The following AGBL4 variants were observed in gnomAD, a reference collection of about 807,000 sequenced individuals.
The protein encoded by AGBL4 is cytosolic carboxypeptidase 6.
A neutral mutation model predicts 66.4 loss-of-function variants in AGBL4; 58 were observed. That is an observed-to-expected ratio of 0.87 (90% confidence interval 0.71 to 1.09). AGBL4 has a LOEUF of 1.09. AGBL4 is among the 50% of genes least tolerant of loss of function. The probability of loss-of-function intolerance (pLI) is 0.00; values close to 1 mark genes in which losing one functional copy is unlikely to be tolerated. For synonymous variants in AGBL4, 234 were observed against 222.9 expected, an observed-to-expected ratio of 1.05 and a Z score of -0.44; for missense variants, 579 against 631.0, an observed-to-expected ratio of 0.92 and a Z score of 0.88.
intron 5 of AGBL4, among the ~76,000 whole-genome samples, chr1:49,002,315 C>A (rs529354999): frequency 6.6e-6 from 1 of 152,256 alleles, no homozygotes; most frequent in Non-Finnish European, 1.5e-5. Flanking sequence ...CCTTTAATGG[C>A]TGGTTTTCTG....
At chr1:49,876,748 C>A (rs1242528096) in intron 1 of AGBL4, among the ~76,000 whole-genome samples, 2 of 108,468 alleles carry the variant, frequency 1.8e-5, no homozygotes, top group African/African-American at 7.5e-5. Context: ...TTACCTTGGG[C>A]AGTATGGCCA....
At chr1:48,976,127 T>C (rs1482215481) in intron 5 of AGBL4, among the ~76,000 whole-genome samples, 1 of 152,170 alleles carries the variant, frequency 6.6e-6, no homozygotes, top group Non-Finnish European at 1.5e-5. Context: ...AATGGAATTA[T>C]TGGGATGGGA....
At chr1:49,351,842 T>A (rs1386253251) in intron 3 of AGBL4, among the ~76,000 whole-genome samples, 1 of 152,180 alleles carries the variant, frequency 6.6e-6, no homozygotes, top group Non-Finnish European at 1.5e-5. Flanking sequence ...TTCTCAACTG[T>A]AAAATGAGAT....
intron 2 of AGBL4, among the ~76,000 whole-genome samples, chr1:49,714,488 C>T (rs1444524569): frequency 6.6e-6 from 1 of 151,398 alleles, no homozygotes; most frequent in Non-Finnish European, 1.5e-5. Flanking sequence ...AGTTATTTCA[C>T]TTAAGATAAT....
intron 5 of AGBL4, among the ~76,000 whole-genome samples, chr1:48,904,348 C>T (rs1389258862): frequency 1.3e-5 from 2 of 152,166 alleles, no homozygotes; most frequent in Non-Finnish European, 2.9e-5. Context: ...ATGAAAGAAA[C>T]AACTATGGTT....
chr1:48,775,319 C>T (rs1245362796), intron 6 of AGBL4, among the ~76,000 whole-genome samples: 1 of 152,112 alleles, frequency 6.6e-6, no homozygotes, highest in Non-Finnish European at 1.5e-5. Context: ...TTTTCAGAGG[C>T]AACATGAGTT....
chr1:49,225,330 A>C (rs1282721433), intron 4 of AGBL4, among the ~76,000 whole-genome samples: 1 of 152,224 alleles, frequency 6.6e-6, no homozygotes, highest in African/African-American at 2.4e-5. Context: ...AATAGAAATG[A>C]TCTTCTCTTG....
chr1:48,540,576 C>T (rs1644050170), intron 11 of AGBL4, among the ~76,000 whole-genome samples: 2 of 152,094 alleles, frequency 1.3e-5, no homozygotes, highest in African/African-American at 4.8e-5. Flanking sequence ...TCCTCTCTTC[C>T]CAGAACTGTG....
intron 2 of AGBL4, among the ~76,000 whole-genome samples, chr1:49,708,934 C>T (rs937089961): frequency 1.3e-5 from 2 of 152,320 alleles, no homozygotes; most frequent in Admixed American, 6.5e-5. Flanking sequence ...GAACCTTCCT[C>T]TCCCAGAGCG....
chr1:49,065,072 A>G (rs1474346009), intron 4 of AGBL4, among the ~76,000 whole-genome samples: 1 of 152,184 alleles, frequency 6.6e-6, no homozygotes, highest in African/African-American at 2.4e-5. Context: ...TTTTACCTCT[A>G]TGTAGGAGTA....
At chr1:49,924,014 CGTGT>C (rs1306628045) in intron 1 of AGBL4, among the ~76,000 whole-genome samples, 1 of 152,074 alleles carries the variant, frequency 6.6e-6, no homozygotes, top group Non-Finnish European at 1.5e-5. Context: ...TAGACACATG[CGTGT>C]GTATGTTAAT....
At chr1:48,805,177 T>C (rs1248755466) in intron 6 of AGBL4, among the ~76,000 whole-genome samples, 1 of 152,194 alleles carries the variant, frequency 6.6e-6, no homozygotes, top group Non-Finnish European at 1.5e-5. Flanking sequence ...ATATCCCCTA[T>C]ACAATGACGA....
intron 2 of AGBL4, among the ~76,000 whole-genome samples, chr1:49,810,102 T>C (rs1364788998): frequency 2.0e-5 from 3 of 152,176 alleles, no homozygotes; most frequent in African/African-American, 7.2e-5. Flanking sequence ...TCTTTACCAC[T>C]TTCCTCCCTA....
chr1:49,658,240 A>C (rs1370704093), intron 3 of AGBL4, among the ~76,000 whole-genome samples: 1 of 152,234 alleles, frequency 6.6e-6, no homozygotes, highest in African/African-American at 2.4e-5. Flanking sequence ...TTATGCAGCC[A>C]ACAGACACAT....
chr1:49,046,703 C>T (rs939373871), intron 4 of AGBL4, among the ~76,000 whole-genome samples: 3 of 152,206 alleles, frequency 2.0e-5, no homozygotes. Context: ...TCATCTAAAA[C>T]TGTGCCCTTT....
At chr1:49,565,347 T>C (rs967808781) in intron 3 of AGBL4, among the ~76,000 whole-genome samples, 2 of 152,342 alleles carry the variant, frequency 1.3e-5, no homozygotes, top group African/African-American at 2.4e-5. Flanking sequence ...CCTGTCATTA[T>C]GATGTTAGCT....
intron 4 of AGBL4, among the ~76,000 whole-genome samples, chr1:49,073,782 C>T (rs909927326): frequency 3.9e-5 from 6 of 152,212 alleles, no homozygotes; most frequent in African/African-American, 1.4e-4. Context: ...GAACACTGTG[C>T]TGAGATAACC....
intron 4 of AGBL4, among the ~76,000 whole-genome samples, chr1:49,082,629 T>C (rs1162606629): frequency 6.6e-6 from 1 of 152,174 alleles, no homozygotes; most frequent in African/African-American, 2.4e-5. Context: ...GTGGGTATTA[T>C]TACAATTTAA....
chr1:49,818,264 T>C (rs935956553), intron 2 of AGBL4, among the ~76,000 whole-genome samples: 2 of 152,182 alleles, frequency 1.3e-5, no homozygotes, highest in Non-Finnish European at 2.9e-5. Context: ...AAAGAAGAAC[T>C]GAGTCTGAGT....
Sources: allele counts gnomAD v4.1 joint callset (sites outside exome capture counted in the v4.1 genomes callset), GRCh38; gene constraint gnomAD v4.1.1; transcripts MANE v1.5; gene names NCBI Gene and HGNC (gene_info 2026-07-23, HGNC 2026-07-21).